CAMK2B: variants seen among roughly 807,000 people sequenced by gnomAD.
The protein encoded by CAMK2B is calcium/calmodulin-dependent protein kinase type II subunit beta.
Under a neutral mutation model 93.7 loss-of-function variants are expected in CAMK2B, and 27 were observed. The observed-to-expected ratio is 0.29, with a 90% confidence interval of 0.21 to 0.40. CAMK2B has a LOEUF of 0.40. Ranked by LOEUF, CAMK2B falls within the 10% of genes least tolerant of loss-of-function variation. CAMK2B has a pLI of 1.00. For synonymous variants in CAMK2B, 374 were observed against 358.8 expected (o/e 1.04, Z -0.48); for missense variants, 568 against 895.8 (o/e 0.63, Z 4.67).
intron 4 of CAMK2B, among the ~76,000 whole-genome samples, chr7:44,255,041 A>G (rs2096822820): frequency 6.6e-6 from 1 of 152,000 alleles, no homozygotes; most frequent in South Asian, 2.1e-4. Context: ...TCCAAGTCTG[A>G]GAAGATCTGG....
rs2096459740 is a variant in CAMK2B at position 44,225,134 on chromosome 7, A to T, written c.1597+1382T>A. On this transcript the variant is annotated intron_variant, in intron 20 of 23. Coordinates refer to ENST00000395749, the MANE Select transcript of CAMK2B (RefSeq NM_001220.5). This position sits in a 1 kb window ranked among gnomAD's most constrained non-coding sequence, Gnocchi z 5.0. The stretch of plus-strand genomic sequence containing the variant: ...CCGAGCCCCGAGCTGGCCACTCCAC[A>T]CCCACCCTGGGCCCTGTCCTCAGAG... 6.6e-6 allele frequency among the ~76,000 whole-genome samples: 1 copy of T among 151,798 alleles called. No individual in the cohort carries two copies. Among genetic ancestry groups the T allele is most frequent in the Non-Finnish European group, 1.5e-5 (1 of 67,906 alleles).
At chr7:44,296,098 G>C (rs1788237771) in intron 1 of CAMK2B, among the ~76,000 whole-genome samples, 1 of 152,168 alleles carries the variant, frequency 6.6e-6, no homozygotes, top group Non-Finnish European at 1.5e-5. Context: ...GAAAAAAATA[G>C]TCTGAAGATA....
At chr7:44,274,462 C>T (rs1243361925) in intron 2 of CAMK2B, among the ~76,000 whole-genome samples, 1 of 152,220 alleles carries the variant, frequency 6.6e-6, no homozygotes, top group Non-Finnish European at 1.5e-5. Flanking sequence ...TCTGCCATTC[C>T]CAAGCTCGGT....
intron 2 of CAMK2B, among the ~76,000 whole-genome samples, chr7:44,281,445 G>A (rs930654731): frequency 6.6e-6 from 1 of 152,150 alleles, no homozygotes; most frequent in Non-Finnish European, 1.5e-5. Flanking sequence ...TCTGGCCACC[G>A]CAGATGACCA....
chr7:44,221,242 CCA>C (rs1348455142), intron 20 of CAMK2B, among the ~76,000 whole-genome samples: 2 of 152,248 alleles, frequency 1.3e-5, no homozygotes, highest in African/African-American at 4.8e-5. Context: ...GTGCTGTCCG[CCA>C]CAGTCTCCCT....
Position 44,243,435 on chromosome 7 carries a change from C to T in CAMK2B, c.507G>A (p.Gln169=), listed in dbSNP as rs1421327887. The stretch of plus-strand genomic sequence containing the variant: ...GCCCCTGGCACTCACCAAACCATGC[C>T]TGCTGGTCCCCCTGCACCTCGATAG... The part of the protein sequence containing the change: ...GLAIEVQGDQ[Q]AWFGFAGTPG... Residue 169 remains glutamine (Q), a synonymous_variant, in exon 7 of 24, where the codon CAG becomes CAA. Coordinates refer to ENST00000395749, the MANE Select transcript of CAMK2B (RefSeq NM_001220.5). The T allele has an allele frequency of 4.8e-5, 77 of 1,614,038 alleles. No homozygotes were observed. Among genetic ancestry groups the T allele is most frequent in the Non-Finnish European group, 6.5e-5 (77 of 1,180,012 alleles).
intron 3 of CAMK2B, chr7:44,259,543 C>A (rs1017813770): frequency 6.5e-6 from 1 of 153,858 alleles, no homozygotes; most frequent in Non-Finnish European, 1.4e-5. Context: ...GATGGACCAC[C>A]ATCATTCCCT....
intron 20 of CAMK2B, among the ~76,000 whole-genome samples, chr7:44,222,879 G>A (rs2096429086): frequency 2.6e-5 from 4 of 152,206 alleles, no homozygotes; most frequent in African/African-American, 7.2e-5. Flanking sequence ...ATGCCCGGGT[G>A]TGCTCATGCA....
chr7:44,308,236 A>G (rs1055092280), intron 1 of CAMK2B, among the ~76,000 whole-genome samples: 2 of 152,222 alleles, frequency 1.3e-5, no homozygotes, highest in African/African-American at 4.8e-5. Context: ...CAGATGGCTA[A>G]TTGCCGGAGC....
rs903910530 is a variant in CAMK2B at position 44,271,110 on chromosome 7, G to C, written c.161-8046C>G. Among the ~76,000 whole-genome samples the C allele has an allele frequency of 6.6e-6, 1 of 152,156 alleles. No individual in the cohort carries two copies. Among genetic ancestry groups the C allele is most frequent in the Middle Eastern group, 3.4e-3 (1 of 294 alleles). On this transcript the variant is annotated intron_variant, in intron 2 of 23. Transcript: ENST00000395749. This position sits in a 1 kb window ranked among gnomAD's most constrained non-coding sequence, Gnocchi z 4.2. ...ATTTTTGTATTTTTAGTAGAGACAG[G>C]GTTTCACCATGTCGGCCAGGCTGGT...
intron 22 of CAMK2B, 112 bp from the exon 23 acceptor site, chr7:44,220,406 G>T (rs2096385819): frequency 1.1e-6 from 1 of 933,122 alleles, no homozygotes; most frequent in Non-Finnish European, 1.6e-6. Context: ...TATTGGGGAG[G>T]CTCGGCTCTC....
At chr7:44,236,601 C>T (rs1005481133) in intron 13 of CAMK2B, among the ~76,000 whole-genome samples, 1 of 152,210 alleles carries the variant, frequency 6.6e-6, no homozygotes, top group Non-Finnish European at 1.5e-5. Context: ...CCCTCCCCCT[C>T]GCTGCAGCTC....
intron 2 of CAMK2B, among the ~76,000 whole-genome samples, chr7:44,274,321 G>A (rs1362227764): frequency 6.6e-6 from 1 of 152,148 alleles, no homozygotes; most frequent in African/African-American, 2.4e-5. Context: ...GCCCACAGGG[G>A]AGACACACAA....
chr7:44,321,302 G>A (rs1038907284), intron 1 of CAMK2B, among the ~76,000 whole-genome samples: 14 of 152,322 alleles, frequency 9.2e-5, no homozygotes, highest in Non-Finnish European at 7.4e-5. Flanking sequence ...TGATGCCCCC[G>A]CGAGCGGTCA....
chr7:44,243,444 C>T lies in CAMK2B; in HGVS notation c.498G>A (p.Gly166=), dbSNP rs754120192. ...ADFGLAIEVQ[G]DQQAWFGFAG... Reference sequence around the variant, plus strand: ...ACTCACCAAACCATGCCTGCTGGTCCCCCTGCACCTCGATAGCTAGGCCGA... The same window carrying T: ...ACTCACCAAACCATGCCTGCTGGTCTCCCTGCACCTCGATAGCTAGGCCGA... Residue 166 remains glycine, a synonymous_variant, in exon 7 of 24, where the codon GGG becomes GGA. Transcript: ENST00000395749. The T allele has an allele frequency of 2.7e-5, 43 of 1,614,048 alleles. No homozygotes were observed. The East Asian group carries it at 9.4e-4, about 35-fold the overall frequency.
At chr7:44,298,406 C>T (rs957246939) in intron 1 of CAMK2B, among the ~76,000 whole-genome samples, 1 of 152,116 alleles carries the variant, frequency 6.6e-6, no homozygotes, top group East Asian at 1.9e-4. Context: ...GAATCAAAGA[C>T]CTAAATTTAA....
chr7:44,232,150 G>A (rs2096585506), intron 16 of CAMK2B, among the ~76,000 whole-genome samples: 1 of 152,226 alleles, frequency 6.6e-6, no homozygotes, highest in East Asian at 1.9e-4. Context: ...CTGATGATGG[G>A]CTGGGTGGTG....
Position 44,230,881 on chromosome 7 carries a change from G to C in CAMK2B, c.1225+125C>G, listed in dbSNP as rs1012364905. On this transcript the variant is annotated intron_variant, in intron 17 of 23. Coordinates refer to ENST00000395749, the MANE Select transcript of CAMK2B (RefSeq NM_001220.5). The stretch of plus-strand genomic sequence containing the variant: ...AGGATTACAGCTACAGGGTCCCTGA[G>C]CCCCTCAACACATGCATAAACTAGG... 23 of 754,122 alleles carry C rather than the reference G, an allele frequency of 3.0e-5. No individual in the cohort carries two copies. The Admixed American group carries it at 5.7e-4, about 19-fold the overall frequency. 46.7% of individuals were successfully genotyped at this position (754,122 alleles called of 1,614,324 possible). A position where few individuals can be genotyped will look rare whatever the true frequency, so the allele number is the denominator to read the frequency against.
At chr7:44,277,078 T>TCTA (rs1176212675) in intron 2 of CAMK2B, among the ~76,000 whole-genome samples, 1 of 151,930 alleles carries the variant, frequency 6.6e-6, no homozygotes, top group East Asian at 1.9e-4. Context: ...CACGCTTCCC[T>TCTA]CTACACAGGG....
Sources: gnomAD v4.1 joint callset for allele counts (sites outside exome capture counted in the v4.1 genomes callset) on GRCh38, gnomAD v4.1.1 for gene constraint, Gnocchi (gnomAD v3.1) non-coding constraint, MANE v1.5 for transcripts, NCBI Gene and HGNC (gene_info 2026-07-23, HGNC 2026-07-21) for gene names.